Variants in PRICKLE2 observed in about 807,000 individuals in gnomAD.
PRICKLE2 encodes the protein prickle planar cell polarity protein 2.
In PRICKLE2, 21 loss-of-function variants were observed where a neutral mutation model predicts 81.4. That is an observed-to-expected ratio of 0.26 (90% CI 0.18 to 0.37). The LOEUF is 0.37. Among genes scored for constraint, PRICKLE2 ranks in the 10% least tolerant of loss-of-function variants. The pLI is 1.00. For missense variants in PRICKLE2, 940 were observed against 1,109.0 expected, an observed-to-expected ratio of 0.85 and a Z score of 2.16; for synonymous variants, 456 against 421.5, an observed-to-expected ratio of 1.08 and a Z score of -1.00.
intron 1 of PRICKLE2, among the ~76,000 whole-genome samples, chr3:64,214,556 T>C (rs1025260572): frequency 3.3e-5 from 5 of 152,168 alleles, no homozygotes; most frequent in African/African-American, 9.7e-5. Context: ...AAGGTTTTTG[T>C]GGTTTTGTTC....
intron 1 of PRICKLE2, among the ~76,000 whole-genome samples, chr3:64,219,959 A>C (rs1172180139): frequency 1.3e-5 from 2 of 152,232 alleles, no homozygotes; most frequent in Admixed American, 6.5e-5. Flanking sequence ...AGACAAGTTT[A>C]CATAAAGCAT....
chr3:64,151,765 C>T (rs1047069659), intron 6 of PRICKLE2, among the ~76,000 whole-genome samples: 8 of 152,178 alleles, frequency 5.3e-5, no homozygotes, highest in Non-Finnish European at 7.3e-5. Flanking sequence ...AACTGATCTT[C>T]GCATTTCCTA....
In PRICKLE2 at chr3:64,146,894, G is replaced by A; in HGVS notation, c.1596C>T (p.Asp532=). 4 of 1,614,198 alleles carry A rather than the reference G, an allele frequency of 2.5e-6. No individual in the cohort carries two copies. The highest frequency in any genetic ancestry group is 3.4e-6 in the Non-Finnish European group (4 of 1,180,030). ...GAGGGGTCTGCTCTGTGGGCGTCATGTCCTCTGTGTATTTCAGGGAACTGA... is the reference window on the plus strand; with the variant it reads ...GAGGGGTCTGCTCTGTGGGCGTCATATCCTCTGTGTATTTCAGGGAACTGA... ...HPISSLKYTE[D]MTPTEQTPRG... The change falls in exon 7 of 8, where the codon GAC becomes GAT. Residue 532 remains aspartate, a synonymous_variant. Transcript: ENST00000638394.
chr3:64,173,195 C>G (rs1368850628), intron 2 of PRICKLE2, among the ~76,000 whole-genome samples: 1 of 152,112 alleles, frequency 6.6e-6, no homozygotes, highest in African/African-American at 2.4e-5. Flanking sequence ...AAAAACACTA[C>G]AAAGATTCAA....
At chr3:64,265,184 A>C (rs2079681383) in intron 2 of PRICKLE2, among the ~76,000 whole-genome samples, 1 of 152,152 alleles carries the variant, frequency 6.6e-6, no homozygotes, top group African/African-American at 2.4e-5. Context: ...CAAACAAACA[A>C]AAAAAACTGA....
chr3:64,164,429 G>A (rs898254765), intron 2 of PRICKLE2, among the ~76,000 whole-genome samples: 10 of 152,194 alleles, frequency 6.6e-5, no homozygotes, highest in South Asian at 2.1e-4. Context: ...TTAGGGAGCC[G>A]TGGGTATGAA....
At chr3:64,205,143 C>T (rs2078661388) in intron 1 of PRICKLE2, among the ~76,000 whole-genome samples, 1 of 149,418 alleles carries the variant, frequency 6.7e-6, no homozygotes, top group South Asian at 2.1e-4. Context: ...TGGCTTCATT[C>T]TGTCAGAGTT....
At chr3:64,176,184 T>C (rs1188588261) in intron 2 of PRICKLE2, among the ~76,000 whole-genome samples, 1 of 152,138 alleles carries the variant, frequency 6.6e-6, no homozygotes, top group African/African-American at 2.4e-5. Context: ...CAAGGGAAGC[T>C]AGGAAACAGG....
At chr3:64,207,805 C>T (rs9817817) in intron 1 of PRICKLE2, among the ~76,000 whole-genome samples, 2,002 of 152,240 alleles carry the variant, frequency 0.013, 33 homozygotes, top group African/African-American at 0.043. Context: ...AGATGCGGCA[C>T]GGATAATTTA....
chr3:64,187,837 C>T (rs764384856), intron 2 of PRICKLE2, among the ~76,000 whole-genome samples: 1 of 152,212 alleles, frequency 6.6e-6, no homozygotes, highest in Non-Finnish European at 1.5e-5. Flanking sequence ...GGACGCCTGG[C>T]ACTGTGGCCC....
chr3:64,188,267 C>T (rs971873536), intron 2 of PRICKLE2, among the ~76,000 whole-genome samples: 9 of 152,310 alleles, frequency 5.9e-5, no homozygotes, highest in Middle Eastern at 6.8e-3. Context: ...GAAGCATCCC[C>T]GTGTTACAGC....
chr3:64,123,621 C>A (rs1432498806), intron 7 of PRICKLE2, among the ~76,000 whole-genome samples: 4 of 152,236 alleles, frequency 2.6e-5, no homozygotes, highest in Non-Finnish European at 5.9e-5. Flanking sequence ...GTCTCTGTCA[C>A]ATTGTGGTAA....
At chr3:64,203,601 G>A (rs538702977) in intron 1 of PRICKLE2, among the ~76,000 whole-genome samples, 8 of 152,142 alleles carry the variant, frequency 5.3e-5, no homozygotes, top group Admixed American at 2.0e-4. Context: ...TCCAGGAGAA[G>A]GAATAAAGAT....
intron 2 of PRICKLE2, among the ~76,000 whole-genome samples, chr3:64,241,336 A>G (rs1244429222): frequency 6.6e-6 from 1 of 152,104 alleles, no homozygotes; most frequent in East Asian, 1.9e-4. Context: ...ACACTTTTCC[A>G]CAGTCCCCAG....
At chr3:64,230,656 CAA>C (rs541875947) in intron 2 of PRICKLE2, among the ~76,000 whole-genome samples, 104 of 152,226 alleles carry the variant, frequency 6.8e-4, no homozygotes, top group African/African-American at 2.3e-3. Flanking sequence ...AAAACTCCAA[CAA>C]AAAAGACCTG....
chr3:64,119,975 A>G lies in PRICKLE2; in HGVS notation c.1661-20050T>C, dbSNP rs147634952. ...GTGGGAACAAAAAACGAATTACCACATGTTCTCACTTGTAAGTGGGAGGTA... is the reference window on the plus strand; with the variant it reads ...GTGGGAACAAAAAACGAATTACCACGTGTTCTCACTTGTAAGTGGGAGGTA... On this transcript the variant is annotated intron_variant, in intron 7 of 7. Coordinates refer to ENST00000638394, the MANE Select transcript of PRICKLE2 (RefSeq NM_198859.4). 2.2e-3 allele frequency among the ~76,000 whole-genome samples: 342 copies of G among 152,322 alleles called. 2 individuals carry two copies. Among genetic ancestry groups the G allele is most frequent in the African/African-American group, 7.7e-3 (320 of 41,580 alleles).
intron 2 of PRICKLE2, among the ~76,000 whole-genome samples, chr3:64,243,423 G>A (rs776238516): frequency 1.4e-4 from 21 of 152,136 alleles, no homozygotes; most frequent in Non-Finnish European, 2.4e-4. Flanking sequence ...TATTCTTGAC[G>A]GACAAAATTG....
rs561277611 is a variant in PRICKLE2, at chr3:64,128,246, G to T, written c.1660+18584C>A. 2.6e-5 allele frequency among the ~76,000 whole-genome samples: 4 copies of T among 152,290 alleles called. No homozygotes were observed. The East Asian group carries it at 7.8e-4, about 30-fold the overall frequency. Reference sequence around the variant, plus strand: ...CGCTTTCTCCACACGTGGAACAACTGAATTACTGGAGCTGGGAAAGCATAG... The same window carrying T: ...CGCTTTCTCCACACGTGGAACAACTTAATTACTGGAGCTGGGAAAGCATAG... On this transcript the variant is annotated intron_variant, in intron 7 of 7. Transcript: ENST00000638394.
chr3:64,155,436 G>A (rs1434908707), intron 5 of PRICKLE2, among the ~76,000 whole-genome samples: 2 of 150,988 alleles, frequency 1.3e-5, no homozygotes, highest in Non-Finnish European at 2.9e-5. Flanking sequence ...TTCATTGATA[G>A]CAGGAATGTA....
Sources: allele counts gnomAD v4.1 joint callset (sites outside exome capture counted in the v4.1 genomes callset), GRCh38; gene constraint gnomAD v4.1.1; transcripts MANE v1.5; gene names NCBI Gene and HGNC (gene_info 2026-07-23, HGNC 2026-07-21).